Variants in GRM5 observed in about 807,000 individuals in gnomAD.
The protein encoded by GRM5 is glutamate metabotropic receptor 5, also known as metabotropic glutamate receptor 5.
GRM5 carries 19 observed loss-of-function variants against 83.1 expected under a neutral mutation model. The ratio of observed to expected loss-of-function variants is 0.23; its 90% confidence interval spans 0.16 to 0.34. The LOEUF is 0.34. GRM5 is among the 10% of genes least tolerant of loss of function. GRM5 has a pLI of 1.00. For missense variants in GRM5, 1,160 were observed against 1,588.3 expected, an observed-to-expected ratio of 0.73 and a Z score of 4.58; for synonymous variants, 675 against 633.6, an observed-to-expected ratio of 1.07 and a Z score of -0.98.
At position 88,575,612 on chromosome 11, in the gene GRM5, T is replaced by C. The variant is rs1943093762; in HGVS notation, c.1691-7620A>G. On this transcript the variant is annotated intron_variant, in intron 7 of 9. Transcript: ENST00000305447. ...CCATGCTTCCTCTTGAGAAATCTCA[T>C]TGGTTCAAACCCTTCAGCAAGATTT... 2.0e-5 allele frequency among the ~76,000 whole-genome samples: 3 copies of C among 152,352 alleles called. No homozygotes were observed. The South Asian group carries it at 6.2e-4, about 32-fold the overall frequency.
At chr11:89,056,737 T>C (rs1365533136) in intron 1 of GRM5, among the ~76,000 whole-genome samples, 1 of 152,130 alleles carries the variant, frequency 6.6e-6, no homozygotes, top group Non-Finnish European at 1.5e-5. Flanking sequence ...TCTAATAATA[T>C]GGTGACATTT....
At chr11:88,949,795 A>C (rs1938397509) in intron 2 of GRM5, among the ~76,000 whole-genome samples, 1 of 152,208 alleles carries the variant, frequency 6.6e-6, no homozygotes, top group South Asian at 2.1e-4. Context: ...ATACTATACA[A>C]TAAGAATACA....
At chr11:88,710,446 G>T (rs986840678) in intron 3 of GRM5, among the ~76,000 whole-genome samples, 1 of 151,990 alleles carries the variant, frequency 6.6e-6, no homozygotes, top group Non-Finnish European at 1.5e-5. Flanking sequence ...AGCAGACCTG[G>T]GATTAAATCA....
At chr11:88,923,593 C>T (rs1207228588) in intron 2 of GRM5, among the ~76,000 whole-genome samples, 5 of 150,782 alleles carry the variant, frequency 3.3e-5, no homozygotes, top group South Asian at 2.1e-4. Context: ...TTAATAAGTC[C>T]AAAAATATAG....
chr11:88,693,766 G>GT (rs1229604607), intron 3 of GRM5, among the ~76,000 whole-genome samples: 3 of 152,160 alleles, frequency 2.0e-5, no homozygotes, highest in African/African-American at 7.2e-5. Context: ...TACAAAATAA[G>GT]TCACTCCTCC....
chr11:88,775,498 C>T (rs1942828349), intron 3 of GRM5, among the ~76,000 whole-genome samples: 1 of 152,080 alleles, frequency 6.6e-6, no homozygotes, highest in Admixed American at 6.6e-5. Flanking sequence ...AATGTGTTTG[C>T]TCTTGCTTCT....
At position 89,056,703 on chromosome 11, in the gene GRM5, C is replaced by A. The variant is rs186617609; in HGVS notation, c.-200-8631G>T. On this transcript the variant is annotated intron_variant, in intron 1 of 9. Transcript: ENST00000305447. ...ATTAATTCTTGTAATGATAAAAAAG[C>A]TTTTAAAATGTTATGATCTACAGTC... Among the ~76,000 whole-genome samples, 268 of 152,076 alleles carry A rather than the reference C, an allele frequency of 1.8e-3. 2 individuals carry two copies. The highest frequency in any genetic ancestry group is 6.2e-3 in the African/African-American group (256 of 41,506).
At chr11:88,595,495 G>A (rs575393373) in intron 6 of GRM5, among the ~76,000 whole-genome samples, 28 of 152,074 alleles carry the variant, frequency 1.8e-4, no homozygotes, top group Non-Finnish European at 2.6e-4. Context: ...GTGAGAACAC[G>A]TGATGTTTAA....
At chr11:88,772,369 C>CT (rs58338703) in intron 3 of GRM5, among the ~76,000 whole-genome samples, 1,560 of 152,024 alleles carry the variant, frequency 0.01, 28 homozygotes, top group African/African-American at 0.036. Flanking sequence ...TCTTACATTC[C>CT]TTTTTGAAAA....
chr11:88,764,760 A>C (rs1459949572), intron 3 of GRM5, among the ~76,000 whole-genome samples: 1 of 151,570 alleles, frequency 6.6e-6, no homozygotes, highest in Non-Finnish European at 1.5e-5. Flanking sequence ...AATTAGAAAA[A>C]TTCAAATCAG....
At chr11:88,678,783 A>T (rs986983460) in intron 3 of GRM5, among the ~76,000 whole-genome samples, 1 of 152,172 alleles carries the variant, frequency 6.6e-6, no homozygotes, top group Non-Finnish European at 1.5e-5. Context: ...TTAATCTCAG[A>T]TCCAAAGATG....
intron 3 of GRM5, among the ~76,000 whole-genome samples, chr11:88,673,672 T>A (rs1267636053): frequency 2.6e-5 from 4 of 151,854 alleles, no homozygotes; most frequent in Non-Finnish European, 5.9e-5. Context: ...TAGTTTGTAT[T>A]GCCCCCAAAT....
At chr11:88,648,319 A>G (rs1325126549) in intron 4 of GRM5, among the ~76,000 whole-genome samples, 4 of 149,102 alleles carry the variant, frequency 2.7e-5, no homozygotes, top group East Asian at 3.9e-4. Flanking sequence ...AATACTCTGC[A>G]GCCATAAAAA....
chr11:89,042,232 G>A (rs1258676737), intron 2 of GRM5, among the ~76,000 whole-genome samples: 1 of 152,004 alleles, frequency 6.6e-6, no homozygotes, highest in African/African-American at 2.4e-5. Context: ...AACACTTTCA[G>A]CCAATTGTTT....
chr11:89,053,898 T>C (rs1941814908), intron 1 of GRM5, among the ~76,000 whole-genome samples: 1 of 152,136 alleles, frequency 6.6e-6, no homozygotes, highest in African/African-American at 2.4e-5. Flanking sequence ...ACTTAATATT[T>C]AGTGTGCTGA....
chr11:88,938,853 A>G (rs529156999), intron 2 of GRM5, among the ~76,000 whole-genome samples: 1 of 151,870 alleles, frequency 6.6e-6, no homozygotes, highest in East Asian at 1.9e-4. Flanking sequence ...TTCCTAAGTT[A>G]TATAAGGTTT....
At chr11:88,909,125 T>C (rs1945452196) in intron 2 of GRM5, among the ~76,000 whole-genome samples, 1 of 152,132 alleles carries the variant, frequency 6.6e-6, no homozygotes, top group Admixed American at 6.6e-5. Flanking sequence ...CCAACTAAAA[T>C]TAAAGTGGAA....
intron 6 of GRM5, among the ~76,000 whole-genome samples, chr11:88,596,112 T>C (rs1471145170): frequency 6.6e-6 from 1 of 152,176 alleles, no homozygotes; most frequent in Non-Finnish European, 1.5e-5. Flanking sequence ...TTTCTATTCC[T>C]GGAAATGCAA....
rs144706715 is a variant in GRM5, at chr11:89,047,485, C to T, written c.388G>A (p.Val130Met). 9 of 1,614,096 alleles carry T rather than the reference C, an allele frequency of 5.6e-6. 1 individual carries two copies. Among genetic ancestry groups the T allele is most frequent in the Admixed American group, 1.7e-5 (1 of 60,008 alleles). Reference sequence around the variant, plus strand: ...CGGAAGGAAGAGGAGGAGCCATCCACACAGCGTACCAAGCCTTCTTCCTCT... The same window carrying T: ...CGGAAGGAAGAGGAGGAGCCATCCATACAGCGTACCAAGCCTTCTTCCTCT... ...SEEEEGLVRC[V>M]DGSSSSFRSK... The change falls in exon 2 of 10, where the codon GTG (valine) becomes ATG (methionine). Residue 130 changes from valine (V) to methionine (M), a missense_variant. By Grantham distance (21) the Val-to-Met change is conservative. Around this residue, in one of 9 missense-constraint regions of GRM5, gnomAD observed 39 missense variants for 36.7 expected, o/e 1.06. Coordinates refer to ENST00000305447, the MANE Select transcript of GRM5 (RefSeq NM_001143831.3). This position sits in a 1 kb window ranked among gnomAD's most constrained non-coding sequence, Gnocchi z 5.1.
Sources: gnomAD v4.1 joint callset for allele counts (sites outside exome capture counted in the v4.1 genomes callset) on GRCh38, gnomAD v4.1.1 for gene constraint, gnomAD v4.1.1 regional missense constraint, Gnocchi (gnomAD v3.1) non-coding constraint, MANE v1.5 for transcripts, NCBI Gene and HGNC (gene_info 2026-07-23, HGNC 2026-07-21) for gene names.